The following WNK1 variants were observed in gnomAD, a reference collection of about 807,000 sequenced individuals.
WNK1 encodes serine/threonine-protein kinase WNK1.
A neutral mutation model predicts 222.8 loss-of-function variants in WNK1; 38 were observed. The ratio of observed to expected loss-of-function variants is 0.17; its 90% CI spans 0.13 to 0.22. WNK1 has a LOEUF of 0.22. Among genes scored for constraint, WNK1 ranks in the 10% least tolerant of loss-of-function variants. WNK1 has a pLI of 1.00. For synonymous variants in WNK1, 1,090 were observed against 1,092.9 expected, an observed-to-expected ratio of 1.00 and a Z score of 0.05; for missense variants, 2,348 against 2,918.4, an observed-to-expected ratio of 0.80 and a Z score of 4.50.
At chr12:838,194 C>G (rs576276647) in intron 4 of WNK1, among the ~76,000 whole-genome samples, 3 of 151,898 alleles carry the variant, frequency 2.0e-5, no homozygotes, top group African/African-American at 7.3e-5. Context: ...AATAGAGCTG[C>G]TACGAAGAAT....
rs1194157372 is a variant in WNK1 at position 867,915 on chromosome 12, CACAG to C, written c.2140-3348_2140-3345del. 6.2e-7 allele frequency: 1 copy of C among 1,614,018 alleles called. No homozygotes were observed. The highest frequency in any genetic ancestry group is 2.2e-5 in the East Asian group (1 of 44,886). ...GGGGGGACCCCAACATACCCAGAATCACAGATATTTTTCCCAACTATTCATGAAC... is the reference window on the plus strand; with the variant it reads ...GGGGGGACCCCAACATACCCAGAATCATATTTTTCCCAACTATTCATGAAC... On this transcript the variant is annotated intron_variant, in intron 8 of 27. Transcript: ENST00000315939.
intron 4 of WNK1, among the ~76,000 whole-genome samples, chr12:838,836 G>C (rs1361746772): frequency 1.3e-5 from 2 of 152,014 alleles, no homozygotes. Flanking sequence ...ATATTGTAAG[G>C]TACTAGAGAT....
Position 818,339 on chromosome 12 carries a change from G to A in WNK1, c.932+4525G>A, listed in dbSNP as rs529770343. On this transcript the variant is annotated intron_variant, in intron 2 of 27. Transcript: ENST00000315939. ...AAAGAGCATTAGACTTGCAGTAGAA[G>A]TTGTGACTGCTCCCACCGCTGCCTC... Among the ~76,000 whole-genome samples the A allele has an allele frequency of 9.9e-5, 15 of 152,276 alleles. No individual in the cohort carries two copies. The South Asian group carries it at 2.7e-3, about 27-fold the overall frequency.
chr12:894,027 G>C (rs1954523598), intron 22 of WNK1, among the ~76,000 whole-genome samples: 1 of 151,686 alleles, frequency 6.6e-6, no homozygotes, highest in Admixed American at 6.6e-5. Context: ...AGACCAGCCT[G>C]GACAACGTGG....
chr12:841,728 G>T (rs1486099297), intron 4 of WNK1, among the ~76,000 whole-genome samples: 2 of 152,186 alleles, frequency 1.3e-5, no homozygotes, highest in African/African-American at 4.8e-5. Context: ...ATCAGATTTG[G>T]TATCTAGTGA....
At chr12:881,659 T>A in intron 12 of WNK1, 33 bp from the exon 13 acceptor site, 1 of 1,524,498 alleles carries the variant, frequency 6.6e-7, no homozygotes, top group Admixed American at 1.7e-5. Flanking sequence ...AATCTATTAC[T>A]ACCGAGATTT....
intron 9 of WNK1, among the ~76,000 whole-genome samples, chr12:872,088 AAACCT>A (rs1302056110): frequency 1.1e-4 from 16 of 152,166 alleles, no homozygotes; most frequent in African/African-American, 3.9e-4. Flanking sequence ...CATCTAATGA[AAACCT>A]AAGAACAATT....
chr12:798,573 T>C (rs1359668140), intron 1 of WNK1, among the ~76,000 whole-genome samples: 1 of 152,230 alleles, frequency 6.6e-6, no homozygotes, highest in African/African-American at 2.4e-5. Flanking sequence ...TTCAGACTTT[T>C]CTATCCTGCT....
At chr12:845,285 A>T (rs751977528) in intron 4 of WNK1, among the ~76,000 whole-genome samples, 2 of 152,136 alleles carry the variant, frequency 1.3e-5, no homozygotes, top group Non-Finnish European at 2.9e-5. Context: ...CTGCTTAACT[A>T]TTGCATACTT....
chr12:791,773 T>C (rs1221981175), intron 1 of WNK1, among the ~76,000 whole-genome samples: 2 of 152,024 alleles, frequency 1.3e-5, no homozygotes, highest in East Asian at 1.9e-4. Context: ...CCTTTCTTGA[T>C]AATTTTTTTT....
At chr12:906,617 C>T in intron 26 of WNK1, 1 of 985,198 alleles carries the variant, frequency 1.0e-6, no homozygotes, top group Non-Finnish European at 1.2e-6. Context: ...TAATCTTGTT[C>T]TTTACTCATG....
chr12:859,668 A>T, intron 6 of WNK1, among the ~76,000 whole-genome samples: 1 of 136,588 alleles, frequency 7.3e-6, no homozygotes. Context: ...TATTGCTTTT[A>T]TAATGGGTGT....
At chr12:811,644 T>G (rs1348561171) in intron 1 of WNK1, among the ~76,000 whole-genome samples, 2 of 152,176 alleles carry the variant, frequency 1.3e-5, no homozygotes, top group East Asian at 3.8e-4. Context: ...ATTATTGTCT[T>G]AAAGTCTTTT....
At chr12:793,456 T>C (rs568440611) in intron 1 of WNK1, among the ~76,000 whole-genome samples, 8 of 152,296 alleles carry the variant, frequency 5.3e-5, no homozygotes, top group Non-Finnish European at 1.2e-4. Context: ...TAGTATTTCT[T>C]TTTTCAATTG....
chr12:812,975 C>T (rs905842402), intron 1 of WNK1, among the ~76,000 whole-genome samples: 18 of 152,124 alleles, frequency 1.2e-4, no homozygotes, highest in African/African-American at 4.1e-4. Flanking sequence ...CATGCAGTGG[C>T]TCACACCTGT....
chr12:851,592 CTGACTT>C, intron 4 of WNK1: 2 of 1,211,852 alleles, frequency 1.7e-6, no homozygotes, highest in South Asian at 3.0e-5. Flanking sequence ...GTGTTTCAGT[CTGACTT>C]TGATGTCTGC....
Position 881,917 on chromosome 12 carries a change from T to C in WNK1, c.3216T>C (p.His1072=). ...TTCTTTTTAAATTTCAAAGTGCACA[T>C]TCAGATGTTGCTTCAGGTATGAGTG... ...TTLASSVDSA[H]SDVASGMSDG... Residue 1072 remains histidine, a synonymous_variant, in exon 14 of 28, where the codon CAT becomes CAC. Transcript: ENST00000315939. 2 of 1,614,190 alleles carry C rather than the reference T, an allele frequency of 1.2e-6. No homozygotes were observed. Among genetic ancestry groups the C allele is most frequent in the Non-Finnish European group, 1.7e-6 (2 of 1,180,022 alleles).
chr12:829,786 A>G, intron 3 of WNK1: 2 of 580,066 alleles, frequency 3.4e-6, no homozygotes, highest in South Asian at 2.0e-5. Context: ...ACCTTATTCC[A>G]GTTTCATATA....
chr12:883,418 A>G lies in WNK1; in HGVS notation c.3513A>G (p.Ala1171=), dbSNP rs1276955706. The G allele has an allele frequency of 1.9e-6, 3 of 1,614,222 alleles. No homozygotes were observed. The highest frequency in any genetic ancestry group is 1.7e-6 in the Non-Finnish European group (2 of 1,180,032). The change falls in exon 16 of 28, where the codon GCA becomes GCG. Residue 1171 remains alanine (A), a synonymous_variant. Transcript: ENST00000315939. ...AGGTGAACAATGACTTTATTCTAGCAATAGAGAGAGAGTCGTTTGTGGATC... is the reference window on the plus strand; with the variant it reads ...AGGTGAACAATGACTTTATTCTAGCGATAGAGAGAGAGTCGTTTGTGGATC... ...TIMVNNDFIL[A]IERESFVDQV...
Sources: gnomAD v4.1 joint callset for allele counts (sites outside exome capture counted in the v4.1 genomes callset) on GRCh38, gnomAD v4.1.1 for gene constraint, MANE v1.5 for transcripts, NCBI Gene and HGNC (gene_info 2026-07-23, HGNC 2026-07-21) for gene names.